The following PREX2 variants were observed in gnomAD, a reference collection of about 807,000 sequenced individuals.
The protein encoded by PREX2 is phosphatidylinositol 3,4,5-trisphosphate-dependent Rac exchanger 2 protein.
A neutral mutation model predicts 203.2 loss-of-function variants in PREX2; 107 were observed. The ratio of observed to expected loss-of-function variants is 0.53; its 90% CI spans 0.45 to 0.62. The LOEUF (loss-of-function observed/expected upper bound fraction) is 0.62, where lower values mean the gene tolerates loss of function less well. PREX2 is among the 20% of genes least tolerant of loss of function. The pLI, the probability that PREX2 is intolerant of heterozygous loss-of-function variation, is 0.00. For missense variants in PREX2, 1,777 were observed against 1,955.9 expected (o/e 0.91, Z 1.72); for synonymous variants, 672 against 663.6 (o/e 1.01, Z -0.19).
chr8:68,047,195 G>T (rs1808377684), intron 8 of PREX2, among the ~76,000 whole-genome samples: 1 of 151,870 alleles, frequency 6.6e-6, no homozygotes, highest in Non-Finnish European at 1.5e-5. Context: ...TTCTTCCTTT[G>T]TTGTTTCCTT....
intron 31 of PREX2, among the ~76,000 whole-genome samples, chr8:68,130,114 C>CAAAAAAAA (rs71253064): frequency 2.9e-5 from 3 of 102,676 alleles, no homozygotes; most frequent in African/African-American, 1.1e-4. Flanking sequence ...CCTGCCTCTG[C>CAAAAAAAA]AAAAAAAAAA....
chr8:67,965,684 G>T (rs1014133801), intron 1 of PREX2, among the ~76,000 whole-genome samples: 3 of 152,134 alleles, frequency 2.0e-5, no homozygotes, highest in Admixed American at 2.0e-4. Context: ...TCTTGAGAGT[G>T]TTCTGTTTGC....
intron 8 of PREX2, among the ~76,000 whole-genome samples, chr8:68,047,224 A>G (rs1040202442): frequency 1.3e-5 from 2 of 151,824 alleles, no homozygotes; most frequent in African/African-American, 2.4e-5. Context: ...CCAGCACAGC[A>G]TCTTCATTTC....
intron 7 of PREX2, 80 bp from the exon 8 acceptor site, chr8:68,044,407 G>T (rs1333733462): frequency 8.2e-6 from 8 of 974,662 alleles, no homozygotes; most frequent in African/African-American, 1.6e-5. Context: ...TTTTTTCAAA[G>T]AATTGCCTAA....
intron 20 of PREX2, 77 bp downstream of exon 20, chr8:68,090,792 C>A: frequency 1.6e-6 from 2 of 1,271,962 alleles, no homozygotes; most frequent in South Asian, 1.6e-5. Flanking sequence ...GGGATAGTGC[C>A]AGAGATATTT....
At chr8:68,098,166 A>G (rs1256865971) in intron 22 of PREX2, among the ~76,000 whole-genome samples, 1 of 152,158 alleles carries the variant, frequency 6.6e-6, no homozygotes, top group Non-Finnish European at 1.5e-5. Flanking sequence ...TGTATCCTCC[A>G]CAGGTGTTGG....
intron 35 of PREX2, among the ~76,000 whole-genome samples, chr8:68,181,784 CATTT>C (rs1812090817): frequency 6.6e-6 from 1 of 152,070 alleles, no homozygotes; most frequent in South Asian, 2.1e-4. Flanking sequence ...ATTAATTATA[CATTT>C]ATTTATTCAA....
At chr8:68,066,635 G>A (rs1160917017) in intron 11 of PREX2, among the ~76,000 whole-genome samples, 1 of 151,930 alleles carries the variant, frequency 6.6e-6, no homozygotes, top group African/African-American at 2.4e-5. Context: ...TGAATATATG[G>A]TTTGTAAATA....
chr8:68,083,231 C>A lies in PREX2; in HGVS notation c.1879-9C>A. ...TACTTTGACTTATTTTTTGTAATTT[C>A]TCTCTTAGATGGCTGGCATGGAAGT... On this transcript the variant is annotated splice_polypyrimidine_tract_variant and intron_variant, in intron 17 of 39. Transcript: ENST00000288368. 1.3e-6 allele frequency: 2 copies of A among 1,557,416 alleles called. No homozygotes were observed. The highest frequency in any genetic ancestry group is 1.2e-5 in the South Asian group (1 of 82,656).
At chr8:68,154,063 G>A (rs770515508) in intron 34 of PREX2, among the ~76,000 whole-genome samples, 4 of 152,166 alleles carry the variant, frequency 2.6e-5, no homozygotes, top group Non-Finnish European at 4.4e-5. Context: ...TTCCCAGGTG[G>A]TTTCCCCCAA....
At chr8:68,035,394 A>G (rs889411589) in intron 6 of PREX2, among the ~76,000 whole-genome samples, 3 of 152,070 alleles carry the variant, frequency 2.0e-5, no homozygotes, top group African/African-American at 7.2e-5. Context: ...CTGCTGATGC[A>G]TTGTATACGA....
At chr8:68,047,486 T>TATATATATATATATAC (rs1808395191) in intron 8 of PREX2, among the ~76,000 whole-genome samples, 20 of 103,532 alleles carry the variant, frequency 1.9e-4, no homozygotes, top group Admixed American at 6.0e-4. Context: ...TATATATATA[T>TATATATATATATATAC]ATATATATAT....
intron 35 of PREX2, among the ~76,000 whole-genome samples, chr8:68,173,722 G>A (rs929766739): frequency 1.3e-5 from 2 of 152,036 alleles, no homozygotes; most frequent in Non-Finnish European, 2.9e-5. Context: ...TATTTTTAAG[G>A]ATGAATAGAT....
At chr8:68,064,402 G>T (rs1157617404) in intron 11 of PREX2, among the ~76,000 whole-genome samples, 1 of 152,006 alleles carries the variant, frequency 6.6e-6, no homozygotes, top group Non-Finnish European at 1.5e-5. Flanking sequence ...TTGCTCTGTT[G>T]CCCGGGCTAG....
intron 14 of PREX2, among the ~76,000 whole-genome samples, chr8:68,074,561 T>G (rs1379558503): frequency 6.6e-6 from 1 of 152,236 alleles, no homozygotes; most frequent in Non-Finnish European, 1.5e-5. Context: ...CAACTCTGAT[T>G]GCTTAACTTC....
rs777080876 is a variant in PREX2, at chr8:68,044,524, C to T, written c.877C>T (p.Arg293Trp). Reference protein sequence around the residue: ...KNSKASTDGHRYLFRGRINTE... With the variant: ...KNSKASTDGHWYLFRGRINTE... Reference sequence around the variant, plus strand: ...CAGCAAGGCATCTACAGATGGACATCGGTACCTTTTTCGTGGCCGGATCAA... The same window carrying T: ...CAGCAAGGCATCTACAGATGGACATTGGTACCTTTTTCGTGGCCGGATCAA... Residue 293 changes from arginine (R) to tryptophan (W), a missense_variant, in exon 8 of 40, where the codon CGG becomes TGG. Coordinates refer to ENST00000288368, the MANE Select transcript of PREX2 (RefSeq NM_024870.4). 1.4e-5 allele frequency: 23 copies of T among 1,612,416 alleles called. No homozygotes were observed. The highest frequency in any genetic ancestry group is 4.4e-5 in the South Asian group (4 of 90,930).
chr8:67,983,224 A>G (rs1482223800), intron 1 of PREX2, among the ~76,000 whole-genome samples: 9 of 152,200 alleles, frequency 5.9e-5, no homozygotes, highest in Admixed American at 5.9e-4. Flanking sequence ...TGGTATCTGC[A>G]TACTGATGAT....
intron 1 of PREX2, among the ~76,000 whole-genome samples, chr8:67,966,849 G>A (rs887015127): frequency 6.6e-6 from 1 of 152,126 alleles, no homozygotes; most frequent in African/African-American, 2.4e-5. Flanking sequence ...CCTACTGTCT[G>A]CCAATCACTA....
chr8:67,967,960 A>T (rs907371758), intron 1 of PREX2, among the ~76,000 whole-genome samples: 5 of 151,940 alleles, frequency 3.3e-5, no homozygotes, highest in Non-Finnish European at 7.4e-5. Context: ...GCATTAGGAG[A>T]TATACCTAAT....
Sources: allele counts gnomAD v4.1 joint callset (sites outside exome capture counted in the v4.1 genomes callset), GRCh38; gene constraint gnomAD v4.1.1; transcripts MANE v1.5; gene names NCBI Gene and HGNC (gene_info 2026-07-23, HGNC 2026-07-21).